Variants in SMAD3 observed in about 807,000 individuals in gnomAD.
The protein encoded by SMAD3 is MAD homolog 3.
A neutral mutation model predicts 51.8 loss-of-function variants in SMAD3; 12 were observed. The observed-to-expected ratio is 0.23, with a 90% CI of 0.15 to 0.38. SMAD3 has a LOEUF of 0.38. Among genes scored for constraint, SMAD3 ranks in the 10% least tolerant of loss-of-function variants. The pLI is 1.00. For synonymous variants in SMAD3, 238 were observed against 227.7 expected (o/e 1.05, Z -0.41); for missense variants, 294 against 565.6 (o/e 0.52, Z 4.87).
intron 1 of SMAD3, among the ~76,000 whole-genome samples, chr15:67,092,614 G>A (rs550097884): frequency 2.0e-5 from 3 of 152,324 alleles, no homozygotes; most frequent in South Asian, 2.1e-4. Context: ...ATGATGCACC[G>A]TGTGGAAGCT....
chr15:67,154,482 A>G (rs1007184490), intron 1 of SMAD3, among the ~76,000 whole-genome samples: 2 of 152,216 alleles, frequency 1.3e-5, no homozygotes, highest in Non-Finnish European at 2.9e-5. Context: ...GGCAGAGCAC[A>G]TGGTCACTGT....
intron 1 of SMAD3, among the ~76,000 whole-genome samples, chr15:67,074,252 A>G (rs1450275141): frequency 6.6e-6 from 1 of 152,242 alleles, no homozygotes; most frequent in Non-Finnish European, 1.5e-5. Flanking sequence ...GCCTCTTGAG[A>G]TGCAGTGAAC....
At chr15:67,109,669 AAC>A (rs1960958249) in intron 1 of SMAD3, among the ~76,000 whole-genome samples, 1 of 152,176 alleles carries the variant, frequency 6.6e-6, no homozygotes, top group Admixed American at 6.5e-5. Flanking sequence ...GAGAGGGGGA[AAC>A]ACACTTAATG....
intron 1 of SMAD3, among the ~76,000 whole-genome samples, chr15:67,113,872 A>G (rs1961078285): frequency 1.3e-5 from 2 of 152,232 alleles, no homozygotes; most frequent in African/African-American, 4.8e-5. Flanking sequence ...ATCTCCCTGT[A>G]GTGCTTAGGA....
At chr15:67,147,285 G>A (rs559092387) in intron 1 of SMAD3, among the ~76,000 whole-genome samples, 2 of 152,310 alleles carry the variant, frequency 1.3e-5, no homozygotes, top group Admixed American at 6.5e-5. Context: ...TGTGTGCAGG[G>A]TGGGAAATGC....
At chr15:67,190,294 C>G in intron 8 of SMAD3, 119 bp from the exon 9 acceptor site, 1 of 934,064 alleles carries the variant, frequency 1.1e-6, no homozygotes, top group South Asian at 1.4e-5. Context: ...TCTAGGACAG[C>G]GTCTAACAGC....
At chr15:67,125,462 T>C (rs11631254) in intron 1 of SMAD3, among the ~76,000 whole-genome samples, 41,849 of 152,180 alleles carry the variant, frequency 0.27, 6,440 homozygotes, top group Middle Eastern at 0.37. Context: ...CTGAGCCAGA[T>C]GTCAGTCCTG....
chr15:67,160,161 A>G (rs746881630), intron 1 of SMAD3, among the ~76,000 whole-genome samples: 3 of 152,244 alleles, frequency 2.0e-5, no homozygotes, highest in Non-Finnish European at 4.4e-5. Flanking sequence ...TACCCTATAA[A>G]TATGTATAGC....
chr15:67,193,681 TTGTC>T lies in SMAD3; in HGVS notation c.*3149_*3152del, dbSNP rs1963425264. On this transcript the variant is annotated 3_prime_UTR_variant, in exon 9 of 9. Transcript: ENST00000327367. ...GGCAGACGTCTCCATTGTCCTTATG[TTGTC>T]TGTGTTGTATTTTTTTTTTTTTATT... The T allele has an allele frequency of 4.3e-6, 1 of 233,356 alleles. No homozygotes were observed. Among genetic ancestry groups the T allele is most frequent in the African/African-American group, 2.2e-5 (1 of 45,278 alleles). The allele number at this position is 233,356 out of a possible 1,614,324, so 14.5% of individuals were successfully genotyped here. A position where few individuals can be genotyped will look rare whatever the true frequency, so the allele number is the denominator to read the frequency against.
At chr15:67,166,906 T>C in intron 4 of SMAD3, 53 bp downstream of exon 4, 1 of 1,391,760 alleles carries the variant, frequency 7.2e-7, no homozygotes, top group Non-Finnish European at 1.0e-6. Flanking sequence ...AGCTGGTGGG[T>C]TCATCCCTTC....
At chr15:67,139,370 T>C (rs1277191217) in intron 1 of SMAD3, among the ~76,000 whole-genome samples, 1 of 152,196 alleles carries the variant, frequency 6.6e-6, no homozygotes, top group Non-Finnish European at 1.5e-5. Context: ...GTGTCTGCTC[T>C]TGCCAGAATT....
At chr15:67,069,659 G>A (rs1166110715) in intron 1 of SMAD3, among the ~76,000 whole-genome samples, 1 of 151,968 alleles carries the variant, frequency 6.6e-6, no homozygotes, top group Non-Finnish European at 1.5e-5. Flanking sequence ...TTGGAGAATT[G>A]AAGCAAACAC....
At chr15:67,183,022 TATATATATA>T (rs1455318632) in intron 6 of SMAD3, among the ~76,000 whole-genome samples, 3 of 76,990 alleles carry the variant, frequency 3.9e-5, no homozygotes, top group African/African-American at 1.2e-4. Context: ...TATATATATA[TATATATATA>T]TTTTTTTTTT....
intron 8 of SMAD3, among the ~76,000 whole-genome samples, chr15:67,189,151 G>T (rs1316289584): frequency 6.6e-6 from 1 of 152,178 alleles, no homozygotes; most frequent in African/African-American, 2.4e-5. Context: ...TCTTTTTTTA[G>T]TGAAGAAGGG....
rs118092840 is a variant in SMAD3, at chr15:67,068,241, G to A, written c.206+1881G>A. Among the ~76,000 whole-genome samples the A allele has an allele frequency of 1.2e-4, 18 of 152,358 alleles. No homozygotes were observed. In the East Asian group the frequency reaches 3.3e-3, roughly 28 times the overall value. On this transcript the variant is annotated intron_variant, in intron 1 of 8. Coordinates refer to ENST00000327367, the MANE Select transcript of SMAD3 (RefSeq NM_005902.4). ...AAAAGGCTTGAGTCATAGACATGGG[G>A]TTCTGCCTGAATGTGCTCTTTCTGC...
In SMAD3 at chr15:67,165,354, G is replaced by A. The variant is rs548756379; in HGVS notation, c.502G>A (p.Ala168Thr). ...CATCCCCGAAAACACTAACTTCCCC[G>A]CAGGCATCGAGCCCCAGAGCAATAT... ...HSIPENTNFPAGIEPQSNIPE... is the reference protein window; with the variant it reads ...HSIPENTNFPTGIEPQSNIPE... The change falls in exon 3 of 9, where the codon GCA becomes ACA. Residue 168 changes from alanine (A) to threonine (T), a missense_variant. By Grantham distance (58) the Ala-to-Thr change is moderately conservative. Coordinates refer to ENST00000327367, the MANE Select transcript of SMAD3 (RefSeq NM_005902.4). 1.2e-5 allele frequency: 20 copies of A among 1,614,102 alleles called. No individual in the cohort carries two copies. Among genetic ancestry groups the A allele is most frequent in the South Asian group, 3.3e-5 (3 of 91,086 alleles).
chr15:67,120,450 A>G (rs1220080335), intron 1 of SMAD3, among the ~76,000 whole-genome samples: 1 of 152,238 alleles, frequency 6.6e-6, no homozygotes, highest in East Asian at 1.9e-4. Context: ...TTGGAGATGT[A>G]AGGCATGGCC....
chr15:67,143,118 T>TA (rs1443873634), intron 1 of SMAD3: 1 of 199,066 alleles, frequency 5.0e-6, no homozygotes, highest in Non-Finnish European at 1.1e-5. Context: ...GAATAGTTGT[T>TA]ATGAGCATGT....
intron 1 of SMAD3, among the ~76,000 whole-genome samples, chr15:67,109,962 C>G (rs906706545): frequency 5.3e-5 from 8 of 152,216 alleles, no homozygotes; most frequent in Non-Finnish European, 2.9e-5. Context: ...GAAACCAACT[C>G]AGTGCTTCTC....
Sources: allele counts gnomAD v4.1 joint callset (sites outside exome capture counted in the v4.1 genomes callset), GRCh38; gene constraint gnomAD v4.1.1; transcripts MANE v1.5; gene names NCBI Gene and HGNC (gene_info 2026-07-23, HGNC 2026-07-21).